Variants in PALB2 observed in about 807,000 individuals in gnomAD.
The protein encoded by PALB2 is partner and localizer of BRCA2.
Under a neutral mutation model 107.4 loss-of-function variants are expected in PALB2, and 82 were observed. That is an observed-to-expected ratio of 0.76 (90% CI 0.64 to 0.92). The LOEUF (loss-of-function observed/expected upper bound fraction) is 0.92. Among genes scored for constraint, PALB2 ranks in the 40% least tolerant of loss-of-function variants. The pLI is 0.00. For synonymous variants in PALB2, 489 were observed against 496.8 expected, an observed-to-expected ratio of 0.98 and a Z score of 0.21; for missense variants, 1,374 against 1,379.9, an observed-to-expected ratio of 1.00 and a Z score of 0.07.
At chr16:23,620,933 G>C (rs1019370496) in intron 10 of PALB2, among the ~76,000 whole-genome samples, 3 of 152,182 alleles carry the variant, frequency 2.0e-5, no homozygotes, top group African/African-American at 7.2e-5. Flanking sequence ...AATTAGCCAG[G>C]CACGGTGGCT....
intron 6 of PALB2, among the ~76,000 whole-genome samples, chr16:23,627,311 C>T (rs1239184693): frequency 1.3e-5 from 2 of 151,438 alleles, no homozygotes; most frequent in African/African-American, 4.8e-5. Context: ...CAAGGTGAAA[C>T]CCCGTCTCTA....
At chr16:23,623,173 C>G (rs770428723) in intron 8 of PALB2, 43 bp from the exon 9 acceptor site, 3 of 1,486,754 alleles carry the variant, frequency 2.0e-6, no homozygotes, top group Non-Finnish European at 2.8e-6. Context: ...TGAGGAGTAA[C>G]CTTTTAATAT....
chr16:23,606,401 C>T (rs1315634750), intron 12 of PALB2, among the ~76,000 whole-genome samples: 1 of 152,044 alleles, frequency 6.6e-6, no homozygotes, highest in African/African-American at 2.4e-5. Flanking sequence ...CAAGACCCTG[C>T]AGAAGTGTCA....
At chr16:23,614,217 T>C in intron 10 of PALB2, 126 bp from the exon 11 acceptor site, 1 of 690,616 alleles carries the variant, frequency 1.4e-6, no homozygotes, top group South Asian at 1.7e-5. Context: ...GCTCCTTAGT[T>C]TTCTTTAGTC....
chr16:23,625,939 C>A (rs1414359715), intron 7 of PALB2, among the ~76,000 whole-genome samples: 2 of 152,118 alleles, frequency 1.3e-5, no homozygotes, highest in Non-Finnish European at 2.9e-5. Flanking sequence ...CGTGATCATG[C>A]CACTGCACTC....
intron 6 of PALB2, 135 bp from the exon 7 acceptor site, chr16:23,626,532 G>GA (rs2142358006): frequency 1.0e-6 from 1 of 991,942 alleles, no homozygotes; most frequent in Non-Finnish European, 1.5e-6. Flanking sequence ...CAGGTGAAAA[G>GA]AAAGAGCTTT....
At chr16:23,641,050 C>G in intron 1 of PALB2, 60 bp downstream of exon 1, 1 of 1,592,794 alleles carries the variant, frequency 6.3e-7, no homozygotes, top group Non-Finnish European at 8.6e-7. Flanking sequence ...AAAGCCAGGC[C>G]TAAAACCCTG....
In PALB2 at chr16:23,615,407, C is replaced by T. The variant is rs769394530; in HGVS notation, c.3114-1316G>A. Among the ~76,000 whole-genome samples the T allele has an allele frequency of 1.1e-3, 160 of 152,030 alleles. 1 individual carries two copies. Among genetic ancestry groups the T allele is most frequent in the Non-Finnish European group, 5.4e-4 (37 of 68,012 alleles). On this transcript the variant is annotated intron_variant, in intron 10 of 12. Transcript: ENST00000261584. ...GTAGCCTTGACCTCTGAGGCTCAAGCGATCCTCCCACCTCACTGCCCCAAG... is the reference window on the plus strand; with the variant it reads ...GTAGCCTTGACCTCTGAGGCTCAAGTGATCCTCCCACCTCACTGCCCCAAG...
intron 9 of PALB2, among the ~76,000 whole-genome samples, chr16:23,622,540 C>A (rs1966790893): frequency 6.6e-6 from 1 of 152,068 alleles, no homozygotes; most frequent in Non-Finnish European, 1.5e-5. Flanking sequence ...GACCACAAGG[C>A]ATGCTCTGCC....
intron 4 of PALB2, among the ~76,000 whole-genome samples, chr16:23,634,442 G>A (rs1221297638): frequency 6.6e-6 from 1 of 152,020 alleles, no homozygotes; most frequent in Non-Finnish European, 1.5e-5. Context: ...TTGAGGCCAG[G>A]AGTTCAAGAT....
At chr16:23,623,799 G>T in intron 8 of PALB2, 2 of 546,328 alleles carry the variant, frequency 3.7e-6, no homozygotes, top group East Asian at 6.4e-5. Context: ...GATTACAGGC[G>T]TGAGCCACTG....
In PALB2 at chr16:23,616,514, T is replaced by G. The variant is rs568736993; in HGVS notation, c.3114-2423A>C. On this transcript the variant is annotated intron_variant, in intron 10 of 12. Coordinates refer to ENST00000261584, the MANE Select transcript of PALB2 (RefSeq NM_024675.4). The stretch of plus-strand genomic sequence containing the variant: ...CTCAAATCCCAAATCACTTTGACCT[T>G]ATGTGAATTGTAAAAAGGATTGTAC... Among the ~76,000 whole-genome samples, 31 of 152,276 alleles carry G rather than the reference T, an allele frequency of 2.0e-4. 1 individual carries two copies. The South Asian group carries it at 5.4e-3, about 26-fold the overall frequency.
Position 23,626,290 on chromosome 16 carries a change from C to T in PALB2, c.2694G>A (p.Trp898Ter), listed in dbSNP as rs1555459949. ...ITACEDVVSL[W>*]KALDAWQWEK... is the part of the protein sequence containing the mutation. ...CCCACTGCCAAGCATCCAGAGCTTTCCAAAGAGAAACTACATCTTCGCAAG... is the reference window on the plus strand; with the variant it reads ...CCCACTGCCAAGCATCCAGAGCTTTTCAAAGAGAAACTACATCTTCGCAAG... Residue 898 changes from tryptophan to a stop codon, truncating the protein, a stop_gained, in exon 7 of 13, where the codon TGG (tryptophan) becomes TGA (stop). Coordinates refer to ENST00000261584, the MANE Select transcript of PALB2 (RefSeq NM_024675.4). LOFTEE classifies it high-confidence loss of function. 1 of 1,614,154 alleles carries T rather than the reference C, an allele frequency of 6.2e-7. No individual in the cohort carries two copies.
chr16:23,617,386 G>A (rs771663825), intron 10 of PALB2, among the ~76,000 whole-genome samples: 19 of 151,812 alleles, frequency 1.3e-4, no homozygotes, highest in Non-Finnish European at 2.1e-4. Flanking sequence ...CTTCAAAAAC[G>A]AGAGAGGATA....
Position 23,626,251 on chromosome 16 carries a change from G to T in PALB2, c.2733C>A (p.Thr911=), listed in dbSNP as rs1555459927. The T allele has an allele frequency of 6.2e-7, 1 of 1,614,128 alleles. No homozygotes were observed. Residue 911 remains threonine (T), a synonymous_variant, in exon 7 of 13, where the codon ACC becomes ACA. Transcript: ENST00000261584. ...LDAWQWEKLY[T]WHFAEVPVLQ... ...TCCCACTTACCTCTGCGAAGTGCCA[G>T]GTATAAAGTTTTTCCCACTGCCAAG...
rs1967005437 is a variant in PALB2, at chr16:23,635,579, C to T, written c.967G>A (p.Ala323Thr). ...GQLPTSSNLE[A>T]NISCSLNELT... The stretch of plus-strand genomic sequence containing the variant: ...TCATTTAGAGAACATGAAATATTTG[C>T]CTCTAAATTAGAACTTGTGGGCAGT... The change falls in exon 4 of 13, where the codon GCA becomes ACA. Residue 323 changes from alanine to threonine, a missense_variant. Physicochemically the swap from Ala to Thr is moderately conservative, Grantham distance 58. Transcript: ENST00000261584. The T allele has an allele frequency of 6.2e-7, 1 of 1,612,986 alleles. No homozygotes were observed.
At chr16:23,622,887 C>T (rs1966796494) in intron 9 of PALB2, 82 bp downstream of exon 9, 5 of 1,531,118 alleles carry the variant, frequency 3.3e-6, no homozygotes, top group South Asian at 2.2e-5. Flanking sequence ...AAAACGAGAT[C>T]CTAGTTACCC....
intron 10 of PALB2, among the ~76,000 whole-genome samples, chr16:23,618,981 C>T (rs1288801878): frequency 3.3e-5 from 5 of 152,192 alleles, no homozygotes; most frequent in Middle Eastern, 6.8e-3. Context: ...AAGGGCACAA[C>T]GTTTCTCTCA....
chr16:23,611,149 T>G (rs1479445511), intron 11 of PALB2, among the ~76,000 whole-genome samples: 1 of 151,974 alleles, frequency 6.6e-6, no homozygotes, highest in South Asian at 2.1e-4. Flanking sequence ...TTGTTGTTGT[T>G]GTTCTTTTGT....
Sources: gnomAD v4.1 joint callset for allele counts (sites outside exome capture counted in the v4.1 genomes callset) on GRCh38, gnomAD v4.1.1 for gene constraint, MANE v1.5 for transcripts, NCBI Gene and HGNC (gene_info 2026-07-23, HGNC 2026-07-21) for gene names.